DSCAM: variants seen among roughly 807,000 people sequenced by gnomAD.
The protein encoded by DSCAM is DS cell adhesion molecule, also known as cell adhesion molecule DSCAM.
A neutral mutation model predicts 217.7 loss-of-function variants in DSCAM; 47 were observed. The observed-to-expected ratio is 0.22, with a 90% CI of 0.17 to 0.28. The LOEUF is 0.28. Among genes scored for constraint, DSCAM ranks in the 10% least tolerant of loss-of-function variants. The probability of loss-of-function intolerance (pLI) is 1.00; values close to 1 mark genes in which losing one functional copy is unlikely to be tolerated. For missense variants in DSCAM, 2,080 were observed against 2,618.3 expected, an observed-to-expected ratio of 0.79 and a Z score of 4.49; for synonymous variants, 1,056 against 1,015.3, an observed-to-expected ratio of 1.04 and a Z score of -0.76.
intron 1 of DSCAM, among the ~76,000 whole-genome samples, chr21:40,728,049 C>T (rs149386899): frequency 1.1e-3 from 163 of 152,282 alleles, no homozygotes; most frequent in Non-Finnish European, 2.0e-3. Flanking sequence ...GGGATGCTTC[C>T]CCTGACTGCC....
chr21:40,687,995 G>A (rs1472525084), intron 3 of DSCAM, among the ~76,000 whole-genome samples: 1 of 152,140 alleles, frequency 6.6e-6, no homozygotes, highest in Non-Finnish European at 1.5e-5. Context: ...TTTCATGTGG[G>A]CAGAAAATTG....
intron 3 of DSCAM, among the ~76,000 whole-genome samples, chr21:40,437,412 C>T (rs948291517): frequency 1.3e-5 from 2 of 152,188 alleles, no homozygotes; most frequent in Admixed American, 6.5e-5. Context: ...AAGCACCAAC[C>T]ATGGGAGAAG....
chr21:40,843,271 C>T (rs754688551), intron 1 of DSCAM, among the ~76,000 whole-genome samples: 2 of 151,882 alleles, frequency 1.3e-5, no homozygotes, highest in Non-Finnish European at 2.9e-5. Context: ...AGCACCCCAC[C>T]GTCTCTAATC....
chr21:40,173,805 A>AC (rs541934267), intron 15 of DSCAM, among the ~76,000 whole-genome samples: 1 of 151,936 alleles, frequency 6.6e-6, no homozygotes, highest in Non-Finnish European at 1.5e-5. Context: ...TTCATTGGAA[A>AC]CCCAGTGACT....
intron 3 of DSCAM, among the ~76,000 whole-genome samples, chr21:40,580,581 T>C (rs939521540): frequency 6.6e-6 from 1 of 150,982 alleles, no homozygotes; most frequent in Non-Finnish European, 1.5e-5. Flanking sequence ...AAAAAGAAGG[T>C]AGATTTTAAA....
chr21:40,302,556 A>G (rs1005703975), intron 9 of DSCAM, among the ~76,000 whole-genome samples: 6 of 152,196 alleles, frequency 3.9e-5, no homozygotes, highest in Admixed American at 2.0e-4. Flanking sequence ...AGAGTAATTA[A>G]AGAGATGAAT....
At chr21:40,261,147 A>G (rs73369808) in intron 11 of DSCAM, among the ~76,000 whole-genome samples, 20,801 of 152,232 alleles carry the variant, frequency 0.14, 3,661 homozygotes, top group African/African-American at 0.39. Flanking sequence ...CCATAACAGC[A>G]TTAGCCTGGC....
intron 3 of DSCAM, among the ~76,000 whole-genome samples, chr21:40,566,887 G>A (rs2076768829): frequency 1.3e-5 from 2 of 152,010 alleles, no homozygotes; most frequent in African/African-American, 4.8e-5. Context: ...GGCTTCATTG[G>A]CCCTCTGTGA....
chr21:40,324,525 T>C (rs1355328344), intron 8 of DSCAM, among the ~76,000 whole-genome samples: 4 of 152,210 alleles, frequency 2.6e-5, no homozygotes, highest in Non-Finnish European at 5.9e-5. Flanking sequence ...TCTTCAATCA[T>C]ATGAAACATC....
chr21:40,621,789 T>C (rs1028818533), intron 3 of DSCAM, among the ~76,000 whole-genome samples: 1 of 151,164 alleles, frequency 6.6e-6, no homozygotes, highest in African/African-American at 2.4e-5. Flanking sequence ...AATTGAGCTG[T>C]TAAGAATTGC....
intron 3 of DSCAM, chr21:40,384,857 A>T (rs2075066957): frequency 6.6e-6 from 1 of 152,176 alleles, no homozygotes; most frequent in African/African-American, 2.4e-5. Context: ...TAACTGAAAA[A>T]GTACCAATCA....
At chr21:40,742,658 A>G (rs946723142) in intron 1 of DSCAM, among the ~76,000 whole-genome samples, 6 of 152,230 alleles carry the variant, frequency 3.9e-5, no homozygotes, top group African/African-American at 1.4e-4. Context: ...TAGAGGTTTG[A>G]GAAAGCAGTT....
At position 40,384,523 on chromosome 21, in the gene DSCAM, C is replaced by A. The variant is rs1238889020; in HGVS notation, c.509-15278G>T. 6 of 152,882 alleles carry A rather than the reference C, an allele frequency of 3.9e-5. No individual in the cohort carries two copies. The East Asian group carries it at 1.2e-3, about 29-fold the overall frequency. The allele number at this position is 152,882 out of a possible 1,614,324, so 9.5% of individuals were successfully genotyped here. A position where few individuals can be genotyped will look rare whatever the true frequency, so the allele number is the denominator to read the frequency against. ...TCGGGAGGCTGAGGCAGGAGAATTG[C>A]TTGAATTTGGGAGGTGGAGGTTGCG... is the stretch of plus-strand genomic sequence containing the variant. On this transcript the variant is annotated intron_variant, in intron 3 of 32. Transcript: ENST00000400454.
At chr21:40,205,454 T>C (rs1379676102) in intron 11 of DSCAM, among the ~76,000 whole-genome samples, 6 of 151,928 alleles carry the variant, frequency 3.9e-5, no homozygotes, top group African/African-American at 1.5e-4. Flanking sequence ...AATACAAAAA[T>C]TAACTGGGCA....
intron 3 of DSCAM, among the ~76,000 whole-genome samples, chr21:40,550,969 T>G (rs973629010): frequency 6.6e-6 from 1 of 152,234 alleles, no homozygotes; most frequent in Non-Finnish European, 1.5e-5. Context: ...TGTTACAGTG[T>G]AGATTACAGT....
At chr21:40,742,129 G>C (rs992836984) in intron 1 of DSCAM, among the ~76,000 whole-genome samples, 1 of 152,140 alleles carries the variant, frequency 6.6e-6, no homozygotes, top group African/African-American at 2.4e-5. Flanking sequence ...GGTAACCTTG[G>C]CATTTTAAGA....
At chr21:40,141,622 A>G (rs962956434) in intron 18 of DSCAM, among the ~76,000 whole-genome samples, 4 of 152,120 alleles carry the variant, frequency 2.6e-5, no homozygotes, top group Admixed American at 2.6e-4. Context: ...TGTCTCAAAA[A>G]AAGAAAAGAA....
chr21:40,821,487 A>G (rs1041857485), intron 1 of DSCAM, among the ~76,000 whole-genome samples: 2 of 151,976 alleles, frequency 1.3e-5, no homozygotes, highest in African/African-American at 4.8e-5. Flanking sequence ...CATGTTCCCT[A>G]GGATTCTGTG....
At chr21:40,326,875 A>T (rs2074323152) in intron 8 of DSCAM, among the ~76,000 whole-genome samples, 1 of 151,166 alleles carries the variant, frequency 6.6e-6, no homozygotes, top group African/African-American at 2.4e-5. Context: ...GCATCTATAT[A>T]TCTGTAACCA....
Sources: gnomAD v4.1 joint callset for allele counts (sites outside exome capture counted in the v4.1 genomes callset) on GRCh38, gnomAD v4.1.1 for gene constraint, MANE v1.5 for transcripts, NCBI Gene and HGNC (gene_info 2026-07-23, HGNC 2026-07-21) for gene names.